CDKL1: variants seen among roughly 807,000 people sequenced by gnomAD.
CDKL1 encodes cyclin dependent kinase like 1, also known as cyclin-dependent kinase-like 1.
In CDKL1, 41 loss-of-function variants were observed where a neutral mutation model predicts 42.0. That is an observed-to-expected ratio of 0.98 (90% CI 0.76 to 1.27). The LOEUF (loss-of-function observed/expected upper bound fraction) is 1.27, where lower values mean the gene tolerates loss of function less well. CDKL1 is among the 50% of genes most tolerant of loss of function. The probability of loss-of-function intolerance (pLI) is 0.00; values close to 1 mark genes in which losing one functional copy is unlikely to be tolerated. For missense variants in CDKL1, 394 were observed against 428.4 expected (o/e 0.92, Z 0.71); for synonymous variants, 153 against 158.6 (o/e 0.96, Z 0.26).
At position 50,327,514 on chromosome 14, in the gene CDKL1, G is replaced by A. The variant is rs1467336343; in HGVS notation, c.*2560C>T. 1 of 130,662 alleles carries A rather than the reference G, an allele frequency of 7.7e-6. No individual in the cohort carries two copies. The highest frequency in any genetic ancestry group is 2.9e-5 in the African/African-American group (1 of 34,452). 8.1% of individuals were successfully genotyped at this position (130,662 alleles called of 1,614,324 possible). On this transcript the variant is annotated 3_prime_UTR_variant, in exon 10 of 10. Transcript: ENST00000395834. ...AGACTCTCACTCTGTTGCCCAGGTT[G>A]GAGTGCAGTGGTGTGATCTCAGTTC...
At chr14:50,352,939 T>C (rs909576228) in intron 3 of CDKL1, among the ~76,000 whole-genome samples, 1 of 152,240 alleles carries the variant, frequency 6.6e-6, no homozygotes, top group East Asian at 1.9e-4. Flanking sequence ...ATAATCAGAA[T>C]GATGAGCAAA....
chr14:50,396,290 G>A lies in CDKL1; in HGVS notation c.-422C>T, dbSNP rs2035405570. On this transcript the variant is annotated 5_prime_UTR_variant, in exon 2 of 10. Coordinates refer to ENST00000395834, the MANE Select transcript of CDKL1 (RefSeq NM_004196.7). Reference sequence around the variant, plus strand: ...TATAAAATATTGGCACCAACGGACTGCACTAGAGCCCCACCCAACGATGAG... The same window carrying A: ...TATAAAATATTGGCACCAACGGACTACACTAGAGCCCCACCCAACGATGAG... 1 of 1,016,928 alleles carries A rather than the reference G, an allele frequency of 9.8e-7. No homozygotes were observed. The highest frequency in any genetic ancestry group is 1.7e-5 in the African/African-American group (1 of 57,312). 63.0% of individuals were successfully genotyped at this position (1,016,928 alleles called of 1,614,324 possible).
At position 50,341,027 on chromosome 14, in the gene CDKL1, C is replaced by G. The variant is rs1321582493; in HGVS notation, c.655+5G>C. The G allele has an allele frequency of 1.2e-6, 2 of 1,611,094 alleles. No homozygotes were observed. Among genetic ancestry groups the G allele is most frequent in the Non-Finnish European group, 1.7e-6 (2 of 1,179,962 alleles). On this transcript the variant is annotated splice_donor_5th_base_variant and intron_variant, in intron 6 of 9. Coordinates refer to ENST00000395834, the MANE Select transcript of CDKL1 (RefSeq NM_004196.7). The stretch of plus-strand genomic sequence containing the variant: ...TCCAAAAGGTGGGACAAAAACACCA[C>G]TTACCCAAGGTCTTCCTAATCAGAT...
chr14:50,331,756 T>G lies in CDKL1; in HGVS notation c.966+506A>C, dbSNP rs532285810. 12 of 435,684 alleles carry G rather than the reference T, an allele frequency of 2.8e-5. No individual in the cohort carries two copies. The South Asian group carries it at 4.5e-4, about 16-fold the overall frequency. 27.0% of individuals were successfully genotyped at this position (435,684 alleles called of 1,614,324 possible). A position where few individuals can be genotyped will look rare whatever the true frequency, so the allele number is the denominator to read the frequency against. ...TCTTCACAGTCTCCCAGTGTGCAGT[T>G]TGGATGCTGTTCTCTGGTTAAATGT... On this transcript the variant is annotated intron_variant, in intron 9 of 9. Transcript: ENST00000395834.
chr14:50,377,870 G>T, intron 2 of CDKL1: 2 of 520,976 alleles, frequency 3.8e-6, no homozygotes, highest in Non-Finnish European at 6.0e-6. Flanking sequence ...AGTCATCTGT[G>T]GGAGTCAGGA....
In CDKL1 at chr14:50,327,530, A is replaced by T. The variant is rs1381605027; in HGVS notation, c.*2544T>A. The T allele has an allele frequency of 7.8e-6, 1 of 127,488 alleles. No homozygotes were observed. The highest frequency in any genetic ancestry group is 1.5e-5 in the Non-Finnish European group (1 of 64,794). 7.9% of individuals were successfully genotyped at this position (127,488 alleles called of 1,614,324 possible). On this transcript the variant is annotated 3_prime_UTR_variant, in exon 10 of 10. Coordinates refer to ENST00000395834, the MANE Select transcript of CDKL1 (RefSeq NM_004196.7). ...GCCCAGGTTGGAGTGCAGTGGTGTGATCTCAGTTCACTGCAACCTCTGCCT... is the reference window on the plus strand; with the variant it reads ...GCCCAGGTTGGAGTGCAGTGGTGTGTTCTCAGTTCACTGCAACCTCTGCCT...
Position 50,341,344 on chromosome 14 carries a change from G to A in CDKL1, c.455-112C>T, listed in dbSNP as rs180791345. On this transcript the variant is annotated intron_variant, in intron 5 of 9. Coordinates refer to ENST00000395834, the MANE Select transcript of CDKL1 (RefSeq NM_004196.7). ...CCCAATTTTGTGGCCTTTCTATATC[G>A]CTGGTTCTCAATTCTAGTTGCACAT... is the stretch of plus-strand genomic sequence containing the variant. The A allele has an allele frequency of 7.6e-5, 105 of 1,387,098 alleles. 1 individual carries two copies. The Admixed American group carries it at 1.4e-3, about 18-fold the overall frequency. The allele number at this position is 1,387,098 out of a possible 1,614,324, so 85.9% of individuals were successfully genotyped here. A position where few individuals can be genotyped will look rare whatever the true frequency, so the allele number is the denominator to read the frequency against.
intron 2 of CDKL1, among the ~76,000 whole-genome samples, chr14:50,374,164 G>A (rs560099749): frequency 1.3e-5 from 2 of 152,304 alleles, no homozygotes; most frequent in South Asian, 2.1e-4. Flanking sequence ...AGAGAAGCCA[G>A]TCTGAAAAGG....
intron 8 of CDKL1, chr14:50,332,847 A>T (rs2033036367): frequency 1.8e-6 from 1 of 542,246 alleles, no homozygotes; most frequent in Admixed American, 3.6e-5. Context: ...TTAATACAGC[A>T]TACAGCAAAG....
At chr14:50,335,113 C>A (rs2033182689) in intron 7 of CDKL1, among the ~76,000 whole-genome samples, 1 of 93,796 alleles carries the variant, frequency 1.1e-5, no homozygotes, top group Non-Finnish European at 2.3e-5. Flanking sequence ...CATGATGAAA[C>A]CCTGTCTGTC....
chr14:50,362,245 C>G (rs775374226), intron 2 of CDKL1: 16 of 374,998 alleles, frequency 4.3e-5, no homozygotes, highest in African/African-American at 3.3e-4. Flanking sequence ...CCGCAGCACC[C>G]GGTCCCATCG....
At position 50,329,173 on chromosome 14, in the gene CDKL1, C is replaced by T. The variant is rs1326501472; in HGVS notation, c.*901G>A. 6.6e-6 allele frequency: 1 copy of T among 151,888 alleles called. No individual in the cohort carries two copies. Among genetic ancestry groups the T allele is most frequent in the Non-Finnish European group, 1.5e-5 (1 of 67,986 alleles). The allele number at this position is 151,888 out of a possible 1,614,324, so 9.4% of individuals were successfully genotyped here. A position where few individuals can be genotyped will look rare whatever the true frequency, so the allele number is the denominator to read the frequency against. On this transcript the variant is annotated 3_prime_UTR_variant, in exon 10 of 10. Coordinates refer to ENST00000395834, the MANE Select transcript of CDKL1 (RefSeq NM_004196.7). The stretch of plus-strand genomic sequence containing the variant: ...TCAAGTAAAAGCTCACAAGTAATTT[C>T]TTCTGAAACCCAGATCACTGAATTA...
chr14:50,337,344 T>TA (rs60430696), intron 7 of CDKL1, among the ~76,000 whole-genome samples: 7 of 151,344 alleles, frequency 4.6e-5, no homozygotes, highest in Non-Finnish European at 8.8e-5. Context: ...TTTTTTTTTT[T>TA]AACTACATGG....
intron 2 of CDKL1, among the ~76,000 whole-genome samples, chr14:50,375,206 A>G (rs534220022): frequency 6.6e-6 from 1 of 152,218 alleles, no homozygotes; most frequent in African/African-American, 2.4e-5. Context: ...GTTAAAACCC[A>G]AACCAAAGCA....
rs751714888 is a variant in CDKL1 at position 50,332,293 on chromosome 14, C to T, written c.935G>A (p.Arg312Gln). The T allele has an allele frequency of 2.5e-5, 40 of 1,614,004 alleles. No homozygotes were observed. Among genetic ancestry groups the T allele is most frequent in the South Asian group, 6.6e-5 (6 of 91,082 alleles). The part of the protein sequence containing the change: ...KPTRKTLRKS[R>Q]KHHCFTETSK... ...TGTTTCTGTAAAGCAGTGGTGCTTT[C>T]GGCTCTTTCTTAGGGTCTTCCTTGT... Residue 312 changes from arginine (R) to glutamine (Q), a missense_variant, in exon 9 of 10, where the codon CGA becomes CAA. Arg to Gln is a conservative substitution (Grantham distance 43). Transcript: ENST00000395834.
chr14:50,326,358 G>GT lies in CDKL1; in HGVS notation c.*3715dup. The GT allele has an allele frequency of 9.3e-6, 8 of 861,556 alleles. No homozygotes were observed. The highest frequency in any genetic ancestry group is 1.1e-5 in the Non-Finnish European group (8 of 717,194). The allele number at this position is 861,556 out of a possible 1,614,324, so 53.4% of individuals were successfully genotyped here. A position where few individuals can be genotyped will look rare whatever the true frequency, so the allele number is the denominator to read the frequency against. ...CTTTAAAGTTATTTGTACAACAGATGTTTTTATTATAACAGTAATTTACAT... is the reference window on the plus strand; with the variant it reads ...CTTTAAAGTTATTTGTACAACAGATGTTTTTTATTATAACAGTAATTTACAT... On this transcript the variant is annotated 3_prime_UTR_variant, in exon 10 of 10. Coordinates refer to ENST00000395834, the MANE Select transcript of CDKL1 (RefSeq NM_004196.7).
chr14:50,343,410 T>A (rs1008934730), intron 4 of CDKL1, among the ~76,000 whole-genome samples: 4 of 152,166 alleles, frequency 2.6e-5, no homozygotes, highest in Non-Finnish European at 5.9e-5. Context: ...TGTTTCCCCA[T>A]GGGTATTTAT....
At chr14:50,390,257 T>G (rs775389650) in intron 2 of CDKL1, 1 of 1,366,382 alleles carries the variant, frequency 7.3e-7, no homozygotes, top group East Asian at 4.5e-5. Context: ...GTCTAATATA[T>G]TTTAACGCCC....
At position 50,359,184 on chromosome 14, in the gene CDKL1, C is replaced by T. The variant is rs369598707; in HGVS notation, c.169-35G>A. ...CAAAAAAACAAGTTACTAAATTTGA[C>T]TTGTGAAAGACAGCTTTCTCTAATC... On this transcript the variant is annotated intron_variant, in intron 2 of 9. Coordinates refer to ENST00000395834, the MANE Select transcript of CDKL1 (RefSeq NM_004196.7). 2.5e-6 allele frequency: 4 copies of T among 1,586,084 alleles called. No homozygotes were observed. In the African/African-American group the frequency reaches 4.1e-5, roughly 16 times the overall value.
Sources: allele counts gnomAD v4.1 joint callset (sites outside exome capture counted in the v4.1 genomes callset), GRCh38; gene constraint gnomAD v4.1.1; transcripts MANE v1.5; gene names NCBI Gene and HGNC (gene_info 2026-07-23, HGNC 2026-07-21).